CNTNAP4: variants seen among roughly 807,000 people sequenced by gnomAD.
The protein encoded by CNTNAP4 is contactin-associated protein-like 4.
In CNTNAP4, 98 loss-of-function variants were observed where a neutral mutation model predicts 148.4. The observed-to-expected ratio is 0.66, with a 90% CI of 0.56 to 0.78. The LOEUF (loss-of-function observed/expected upper bound fraction) is 0.78. CNTNAP4 is among the 30% of genes least tolerant of loss of function. The pLI is 0.00. For missense variants in CNTNAP4, 1,935 were observed against 1,565.6 expected (o/e 1.24, Z -3.98); for synonymous variants, 730 against 565.1 (o/e 1.29, Z -4.14).
chr16:76,335,687 C>G (rs1377314531), intron 2 of CNTNAP4, among the ~76,000 whole-genome samples: 2 of 152,104 alleles, frequency 1.3e-5, no homozygotes, highest in Non-Finnish European at 2.9e-5. Context: ...ACTGCCTGAA[C>G]AAAGAAAAGT....
Position 76,507,273 on chromosome 16 carries a change from A to G in CNTNAP4, c.2365+8579A>G, listed in dbSNP as rs1312593262. On this transcript the variant is annotated intron_variant, in intron 15 of 23. Coordinates refer to ENST00000611870, the MANE Select transcript of CNTNAP4 (RefSeq NM_033401.5). ...TTTTAAAATGTACAATTACATTATTATTGACTGTAGTCACCATGTTTTGTC... is the reference window on the plus strand; with the variant it reads ...TTTTAAAATGTACAATTACATTATTGTTGACTGTAGTCACCATGTTTTGTC... 2.1e-5 allele frequency among the ~76,000 whole-genome samples: 2 copies of G among 97,280 alleles called. 1 individual carries two copies. Among genetic ancestry groups the G allele is most frequent in the Non-Finnish European group, 5.8e-5 (2 of 34,288 alleles). 63.8% of individuals were successfully genotyped at this position (97,280 alleles called of 152,430 possible). A position where few individuals can be genotyped will look rare whatever the true frequency, so the allele number is the denominator to read the frequency against.
chr16:76,362,305 A>G (rs1420616098), intron 3 of CNTNAP4, among the ~76,000 whole-genome samples: 2 of 152,196 alleles, frequency 1.3e-5, no homozygotes, highest in African/African-American at 4.8e-5. Flanking sequence ...AAGACTTAAT[A>G]TTGTTGAAAT....
chr16:76,395,486 G>C (rs1158937348), intron 3 of CNTNAP4, among the ~76,000 whole-genome samples: 1 of 151,476 alleles, frequency 6.6e-6, no homozygotes. Flanking sequence ...GGCTGGTCTT[G>C]AACTCCTGAC....
chr16:76,426,212 A>G (rs1197222586), intron 3 of CNTNAP4, among the ~76,000 whole-genome samples: 2 of 152,162 alleles, frequency 1.3e-5, no homozygotes, highest in African/African-American at 4.8e-5. Flanking sequence ...AATCTTTTAA[A>G]AATGTACTAG....
intron 23 of CNTNAP4, among the ~76,000 whole-genome samples, chr16:76,554,741 G>T: frequency 6.6e-6 from 1 of 151,370 alleles, no homozygotes; most frequent in Non-Finnish European, 1.5e-5. Flanking sequence ...AAGTTTTTGT[G>T]CCAGTAATAT....
intron 1 of CNTNAP4, among the ~76,000 whole-genome samples, chr16:76,310,430 T>C (rs1960976026): frequency 6.6e-6 from 1 of 152,188 alleles, no homozygotes; most frequent in Non-Finnish European, 1.5e-5. Flanking sequence ...GTAATATAGA[T>C]TGGAATAAAA....
At chr16:76,332,749 A>G (rs570713736) in intron 2 of CNTNAP4, among the ~76,000 whole-genome samples, 1 of 151,506 alleles carries the variant, frequency 6.6e-6, no homozygotes, top group Non-Finnish European at 1.5e-5. Context: ...CCTTTTTATC[A>G]TATTCAGGGA....
At chr16:76,423,122 G>A (rs925174191) in intron 3 of CNTNAP4, among the ~76,000 whole-genome samples, 61 of 152,252 alleles carry the variant, frequency 4.0e-4, no homozygotes, top group African/African-American at 1.4e-3. Context: ...ATCTGCTGGT[G>A]CCTTCATTTT....
intron 2 of CNTNAP4, among the ~76,000 whole-genome samples, chr16:76,348,900 T>C (rs1179807515): frequency 6.6e-6 from 1 of 152,226 alleles, no homozygotes; most frequent in Middle Eastern, 3.4e-3. Flanking sequence ...TTTTTTTCTT[T>C]TAAAATGAGA....
chr16:76,400,715 AT>A (rs2078378491), intron 3 of CNTNAP4, among the ~76,000 whole-genome samples: 2 of 152,144 alleles, frequency 1.3e-5, no homozygotes, highest in Non-Finnish European at 2.9e-5. Flanking sequence ...TAACTTTTGT[AT>A]ATGGTGTAAG....
chr16:76,330,994 T>C (rs555302376), intron 2 of CNTNAP4, among the ~76,000 whole-genome samples: 2 of 152,340 alleles, frequency 1.3e-5, no homozygotes, highest in East Asian at 3.9e-4. Context: ...CTAAAGTTTT[T>C]AAAAATTGTG....
At chr16:76,362,824 A>G (rs1431773230) in intron 3 of CNTNAP4, among the ~76,000 whole-genome samples, 1 of 152,184 alleles carries the variant, frequency 6.6e-6, no homozygotes, top group Non-Finnish European at 1.5e-5. Context: ...TAGGTCACAA[A>G]ATAATCTGTA....
chr16:76,504,503 C>T (rs1329438238), intron 15 of CNTNAP4, among the ~76,000 whole-genome samples: 1 of 151,978 alleles, frequency 6.6e-6, no homozygotes, highest in African/African-American at 2.4e-5. Context: ...AAACCACAAA[C>T]TATAACACTG....
intron 3 of CNTNAP4, among the ~76,000 whole-genome samples, chr16:76,418,727 G>A: frequency 1.8e-5 from 1 of 55,544 alleles, no homozygotes; most frequent in African/African-American, 4.8e-5. Context: ...GCAGAGTGTG[G>A]GGTTTTTTTT....
rs201690243 is a variant in CNTNAP4 at position 76,448,062 on chromosome 16, G to T, written c.589G>T (p.Asp197Tyr). ...AAAAAGTTCCCTTCTCTACAGATTT[G>T]ATCAAAAATCCCTGAGCCCAATAAA... Reference protein sequence around the residue: ...DGKSSLLYRFDQKSLSPIKDI... With the variant: ...DGKSSLLYRFYQKSLSPIKDI... The change falls in exon 5 of 24, where the codon GAT becomes TAT. Residue 197 changes from aspartate to tyrosine, a missense_variant. Asp to Tyr is a radical substitution (Grantham distance 160). Coordinates refer to ENST00000611870, the MANE Select transcript of CNTNAP4 (RefSeq NM_033401.5). 8.7e-5 allele frequency: 141 copies of T among 1,613,504 alleles called. No homozygotes were observed. The highest frequency in any genetic ancestry group is 1.0e-4 in the Non-Finnish European group (122 of 1,179,726).
chr16:76,321,902 A>C (rs536185045), intron 2 of CNTNAP4, among the ~76,000 whole-genome samples: 1 of 152,210 alleles, frequency 6.6e-6, no homozygotes, highest in South Asian at 2.1e-4. Flanking sequence ...ACTTTTGTAC[A>C]GGATTGAAAA....
At chr16:76,432,173 A>G (rs1032361141) in intron 4 of CNTNAP4, among the ~76,000 whole-genome samples, 2 of 152,162 alleles carry the variant, frequency 1.3e-5, no homozygotes, top group Non-Finnish European at 2.9e-5. Flanking sequence ...TAGGTGGAAT[A>G]AATATTTTTA....
At chr16:76,430,559 T>C (rs2079570084) in intron 4 of CNTNAP4, among the ~76,000 whole-genome samples, 1 of 152,054 alleles carries the variant, frequency 6.6e-6, no homozygotes, top group Admixed American at 6.6e-5. Flanking sequence ...GGGGAGTGGG[T>C]AGGGTTTCTT....
chr16:76,395,419 C>T (rs1415837114), intron 3 of CNTNAP4, among the ~76,000 whole-genome samples: 1 of 151,726 alleles, frequency 6.6e-6, no homozygotes, highest in Non-Finnish European at 1.5e-5. Context: ...GCACGTGCCA[C>T]CACACTGGGC....
Sources: gnomAD v4.1 joint callset for allele counts (sites outside exome capture counted in the v4.1 genomes callset) on GRCh38, gnomAD v4.1.1 for gene constraint, MANE v1.5 for transcripts, NCBI Gene and HGNC (gene_info 2026-07-23, HGNC 2026-07-21) for gene names.